Variants in RABGAP1 observed in about 807,000 individuals in gnomAD.
RABGAP1 encodes rab GTPase-activating protein 1.
RABGAP1 carries 23 observed loss-of-function variants against 137.6 expected under a neutral mutation model. The observed-to-expected ratio is 0.17, with a 90% confidence interval of 0.12 to 0.24. RABGAP1 has a LOEUF of 0.24. Ranked by LOEUF, RABGAP1 falls within the 10% of genes least tolerant of loss-of-function variation. RABGAP1 has a pLI of 1.00. For synonymous variants in RABGAP1, 451 were observed against 450.7 expected, an observed-to-expected ratio of 1.00 and a Z score of -0.01; for missense variants, 906 against 1,275.8, an observed-to-expected ratio of 0.71 and a Z score of 4.42.
chr9:122,953,707 TA>T (rs1308034882), intron 1 of RABGAP1, among the ~76,000 whole-genome samples: 4 of 152,222 alleles, frequency 2.6e-5, no homozygotes, highest in African/African-American at 9.6e-5. Context: ...CCGGAACCAG[TA>T]TTTTAACTTA....
At chr9:123,098,648 C>T (rs979275317) in intron 22 of RABGAP1, 67 bp from the exon 23 acceptor site, 17 of 1,399,490 alleles carry the variant, frequency 1.2e-5, no homozygotes, top group Admixed American at 1.2e-4. Context: ...TAGCACTAAG[C>T]GGTTGGTGGC....
At chr9:123,088,894 T>C (rs928093283) in intron 19 of RABGAP1, among the ~76,000 whole-genome samples, 2 of 152,068 alleles carry the variant, frequency 1.3e-5, no homozygotes, top group Admixed American at 1.3e-4. Flanking sequence ...TTTTGAAGTT[T>C]AGTTGGGGAG....
intron 14 of RABGAP1, among the ~76,000 whole-genome samples, chr9:123,068,022 C>T (rs190393303): frequency 6.6e-6 from 1 of 152,212 alleles, no homozygotes; most frequent in East Asian, 1.9e-4. Context: ...TAGGCTTATT[C>T]TCTTATTACA....
intron 11 of RABGAP1, among the ~76,000 whole-genome samples, chr9:123,011,714 G>A (rs1333559263): frequency 6.6e-6 from 1 of 152,200 alleles, no homozygotes; most frequent in Non-Finnish European, 1.5e-5. Flanking sequence ...TCCCAGCATG[G>A]GAGGCTGAGG....
chr9:123,076,602 T>C lies in RABGAP1; in HGVS notation c.2296-32T>C, dbSNP rs752290287. ...TCTTGTGCATCCTTATAGCAACACA[T>C]TTTTTCTATATGTGTTTGTATTTTC... is the stretch of plus-strand genomic sequence containing the variant. On this transcript the variant is annotated intron_variant, in intron 18 of 25. Coordinates refer to ENST00000373647, the MANE Select transcript of RABGAP1 (RefSeq NM_012197.4). 2.5e-6 allele frequency: 4 copies of C among 1,570,816 alleles called. No individual in the cohort carries two copies. In the South Asian group the frequency reaches 4.8e-5, roughly 19 times the overall value.
intron 1 of RABGAP1, among the ~76,000 whole-genome samples, chr9:122,949,486 C>A (rs1008230953): frequency 6.6e-6 from 1 of 151,888 alleles, no homozygotes; most frequent in African/African-American, 2.4e-5. Flanking sequence ...TGCACTCCAA[C>A]CTGGGCAACA....
intron 13 of RABGAP1, chr9:123,035,803 A>G (rs939715270): frequency 2.0e-6 from 1 of 505,110 alleles, no homozygotes; most frequent in African/African-American, 1.9e-5. Context: ...ATGGTTTTCA[A>G]AAGTGCTTGT....
intron 13 of RABGAP1, among the ~76,000 whole-genome samples, chr9:123,064,322 T>G (rs1009646952): frequency 6.6e-6 from 1 of 152,216 alleles, no homozygotes; most frequent in African/African-American, 2.4e-5. Flanking sequence ...AAAAGCAATT[T>G]GGCGACATCC....
chr9:123,102,660 G>A (rs1487782074), intron 25 of RABGAP1, among the ~76,000 whole-genome samples: 2 of 152,156 alleles, frequency 1.3e-5, no homozygotes, highest in East Asian at 1.9e-4. Context: ...GCCCAGGAAG[G>A]ACCCTCAGGA....
chr9:122,952,429 T>C (rs931787861), intron 1 of RABGAP1, among the ~76,000 whole-genome samples: 2 of 151,882 alleles, frequency 1.3e-5, no homozygotes, highest in African/African-American at 4.8e-5. Context: ...TGGCTAATTT[T>C]TTTTTCTTTT....
intron 13 of RABGAP1, among the ~76,000 whole-genome samples, chr9:123,060,685 G>A (rs1027487819): frequency 2.6e-5 from 4 of 152,150 alleles, no homozygotes; most frequent in Non-Finnish European, 2.9e-5. Flanking sequence ...TCTCATGTGT[G>A]TCAGTTTGTG....
intron 3 of RABGAP1, 68 bp from the exon 4 acceptor site, chr9:122,986,147 A>G: frequency 4.9e-6 from 7 of 1,430,880 alleles, no homozygotes; most frequent in Non-Finnish European, 6.8e-6. Flanking sequence ...GCAGATTTTT[A>G]CTTGCTAATC....
chr9:122,960,520 CA>C (rs1205265121), intron 2 of RABGAP1, among the ~76,000 whole-genome samples: 3 of 152,204 alleles, frequency 2.0e-5, no homozygotes, highest in Admixed American at 2.0e-4. Flanking sequence ...ACCCAATAAA[CA>C]AGCATCAACA....
rs2035446651 is a variant in RABGAP1 at position 123,104,612 on chromosome 9, A to C, written c.*1399A>C. ...GGCTGTACTAACGCTTGCTGAGGTT[A>C]TCTGTAATAAGGGAGGTAACAAGTG... On this transcript the variant is annotated 3_prime_UTR_variant, in exon 26 of 26. Coordinates refer to ENST00000373647, the MANE Select transcript of RABGAP1 (RefSeq NM_012197.4). The C allele has an allele frequency of 6.6e-6, 1 of 152,172 alleles. No homozygotes were observed. Among genetic ancestry groups the C allele is most frequent in the South Asian group, 2.1e-4 (1 of 4,814 alleles). The allele number at this position is 152,172 out of a possible 1,614,324, so 9.4% of individuals were successfully genotyped here. A position where few individuals can be genotyped will look rare whatever the true frequency, so the allele number is the denominator to read the frequency against.
intron 10 of RABGAP1, among the ~76,000 whole-genome samples, chr9:122,999,393 G>A (rs921964770): frequency 1.3e-5 from 2 of 150,822 alleles, no homozygotes; most frequent in African/African-American, 4.9e-5. Context: ...GTTTCACTCT[G>A]TTGGCCAGGC....
chr9:122,989,624 A>AATTAACTAAAAATTTG, intron 5 of RABGAP1, 153 bp downstream of exon 5: 1 of 771,672 alleles, frequency 1.3e-6, no homozygotes, highest in Non-Finnish European at 2.0e-6. Flanking sequence ...CCAAAATATA[A>AATTAACTAAAAATTTG]ATTAACTAAA....
At chr9:123,043,904 T>C (rs542063302) in intron 13 of RABGAP1, among the ~76,000 whole-genome samples, 4 of 148,520 alleles carry the variant, frequency 2.7e-5, no homozygotes, top group East Asian at 1.9e-4. Flanking sequence ...TATTTTCTTT[T>C]TTTTTTTTTT....
intron 10 of RABGAP1, among the ~76,000 whole-genome samples, chr9:122,999,052 T>G (rs1320439139): frequency 6.6e-6 from 1 of 152,220 alleles, no homozygotes; most frequent in African/African-American, 2.4e-5. Flanking sequence ...CTTCTCTAGA[T>G]GAAAATGTCT....
intron 13 of RABGAP1, chr9:123,020,905 G>C (rs2031587003): frequency 2.2e-6 from 2 of 910,334 alleles, no homozygotes; most frequent in Non-Finnish European, 2.6e-6. Flanking sequence ...TTCCTCTAAA[G>C]TGAAAAAAAT....
Sources: allele counts gnomAD v4.1 joint callset (sites outside exome capture counted in the v4.1 genomes callset), GRCh38; gene constraint gnomAD v4.1.1; transcripts MANE v1.5; gene names NCBI Gene and HGNC (gene_info 2026-07-23, HGNC 2026-07-21).